The following POLR3G variants were observed in gnomAD, a reference collection of about 807,000 sequenced individuals.
The protein encoded by POLR3G is RNA polymerase III subunit G.
In POLR3G, 28 loss-of-function variants were observed where a neutral mutation model predicts 30.1. That is an observed-to-expected ratio of 0.93 (90% CI 0.69 to 1.27). The LOEUF (loss-of-function observed/expected upper bound fraction) is 1.27, where lower values mean the gene tolerates loss of function less well. Among genes scored for constraint, POLR3G ranks in the 50% most tolerant of loss-of-function variants. The pLI is 0.00. For missense variants in POLR3G, 254 were observed against 264.6 expected (o/e 0.96, Z 0.28); for synonymous variants, 79 against 82.5 (o/e 0.96, Z 0.23).
intron 2 of POLR3G, 83 bp downstream of exon 2, chr5:90,485,767 A>G: frequency 1.1e-6 from 1 of 933,784 alleles, no homozygotes; most frequent in Non-Finnish European, 1.7e-6. Flanking sequence ...GACTGGATGT[A>G]TGATTATAGC....
rs755423888 is a variant in POLR3G at position 90,512,160 on chromosome 5, T to C, written c.*21T>C. 2 of 1,424,958 alleles carry C rather than the reference T, an allele frequency of 1.4e-6. No individual in the cohort carries two copies. Among genetic ancestry groups the C allele is most frequent in the South Asian group, 2.3e-5 (2 of 86,968 alleles). The allele number at this position is 1,424,958 out of a possible 1,614,324, so 88.3% of individuals were successfully genotyped here. On this transcript the variant is annotated 3_prime_UTR_variant, in exon 8 of 8. Coordinates refer to ENST00000651687, the MANE Select transcript of POLR3G (RefSeq NM_006467.3). ...ATTAGGCATGAAATTTTTCAAAAAATATTTTTATGATGCAGCTTCTGAACA... is the reference window on the plus strand; with the variant it reads ...ATTAGGCATGAAATTTTTCAAAAAACATTTTTATGATGCAGCTTCTGAACA...
At chr5:90,510,067 A>C (rs539591052) in intron 7 of POLR3G, among the ~76,000 whole-genome samples, 1 of 152,232 alleles carries the variant, frequency 6.6e-6, no homozygotes, top group African/African-American at 2.4e-5. Context: ...CCATGGGGGT[A>C]GTAGGGTGGT....
At chr5:90,489,079 CCT>C (rs1381540022) in intron 3 of POLR3G, among the ~76,000 whole-genome samples, 6 of 152,014 alleles carry the variant, frequency 3.9e-5, no homozygotes, top group Non-Finnish European at 8.8e-5. Context: ...TTCCATTTTT[CCT>C]CTCTCTCTAG....
chr5:90,493,473 C>T (rs1435890486), intron 3 of POLR3G, among the ~76,000 whole-genome samples: 3 of 151,906 alleles, frequency 2.0e-5, no homozygotes, highest in Non-Finnish European at 2.9e-5. Context: ...GTCTCGAACT[C>T]CTGGACTCAA....
intron 1 of POLR3G, among the ~76,000 whole-genome samples, chr5:90,483,328 T>G (rs1454005857): frequency 6.6e-6 from 1 of 152,202 alleles, no homozygotes; most frequent in African/African-American, 2.4e-5. Flanking sequence ...CTTGGGCAGT[T>G]ACAAAATCAT....
intron 1 of POLR3G, among the ~76,000 whole-genome samples, chr5:90,475,455 A>C (rs1750750886): frequency 6.8e-6 from 1 of 147,614 alleles, no homozygotes. Flanking sequence ...AAAAAATAAA[A>C]TTCTATATCC....
chr5:90,501,730 T>G (rs58073987), intron 5 of POLR3G, among the ~76,000 whole-genome samples, 176 bp from the exon 6 acceptor site: 1 of 152,198 alleles, frequency 6.6e-6, no homozygotes, highest in Non-Finnish European at 1.5e-5. Flanking sequence ...TTCATCATCA[T>G]TGGAAAATTG....
At chr5:90,474,005 G>A, upstream of POLR3G, 1 of 1,598,348 alleles carries the variant, frequency 6.3e-7, no homozygotes, top group Non-Finnish European at 8.5e-7. Flanking sequence ...CTGCCACGCG[G>A]TCGAACTGGT....
intron 1 of POLR3G, among the ~76,000 whole-genome samples, chr5:90,479,657 G>A (rs902692717): frequency 3.3e-5 from 5 of 152,018 alleles, no homozygotes; most frequent in Non-Finnish European, 2.9e-5. Flanking sequence ...GAGCAATGTG[G>A]GATGAAGTGG....
At chr5:90,474,017 G>A (rs9293544), upstream of POLR3G, 14,412 of 1,595,326 alleles carry the variant, frequency 9.0e-3, 1,116 homozygotes, top group African/African-American at 0.17. Context: ...CGAACTGGTA[G>A]AGGCCGCCGG....
chr5:90,498,155 ATG>A (rs560312338), intron 5 of POLR3G, among the ~76,000 whole-genome samples: 4 of 151,142 alleles, frequency 2.6e-5, no homozygotes, highest in Admixed American at 6.6e-5. Context: ...CCCCCCATGT[ATG>A]TGTGTGTGTG....
chr5:90,510,611 T>C (rs1752694036), intron 7 of POLR3G, among the ~76,000 whole-genome samples: 1 of 152,232 alleles, frequency 6.6e-6, no homozygotes, highest in South Asian at 2.1e-4. Flanking sequence ...ATTTGAACTC[T>C]CAACCATGCC....
At chr5:90,478,681 C>G (rs1486285565) in intron 1 of POLR3G, among the ~76,000 whole-genome samples, 1 of 149,544 alleles carries the variant, frequency 6.7e-6, no homozygotes, top group South Asian at 2.1e-4. Flanking sequence ...CTCAGCCTCC[C>G]GAGTAGCTGG....
chr5:90,514,204 C>T lies in POLR3G; in HGVS notation c.*2065C>T, dbSNP rs1267736954. On this transcript the variant is annotated 3_prime_UTR_variant, in exon 8 of 8. Coordinates refer to ENST00000651687, the MANE Select transcript of POLR3G (RefSeq NM_006467.3). Reference sequence around the variant, plus strand: ...TGCAGGTTGCTTTACCAGCATGAGTCTCATTTTTCTGGCTTAAAATCTGGG... The same window carrying T: ...TGCAGGTTGCTTTACCAGCATGAGTTTCATTTTTCTGGCTTAAAATCTGGG... 6.6e-6 allele frequency: 1 copy of T among 152,144 alleles called. No homozygotes were observed. Among genetic ancestry groups the T allele is most frequent in the African/African-American group, 2.4e-5 (1 of 41,442 alleles). 9.4% of individuals were successfully genotyped at this position (152,144 alleles called of 1,614,324 possible).
chr5:90,473,954 G>A, upstream of POLR3G: 4 of 1,601,846 alleles, frequency 2.5e-6, no homozygotes, highest in East Asian at 6.8e-5. Context: ...CGGTCTCAAA[G>A]TTGTCCCCGC....
At chr5:90,506,740 A>G (rs1752503964) in intron 7 of POLR3G, 66 bp downstream of exon 7, 1 of 1,485,474 alleles carries the variant, frequency 6.7e-7, no homozygotes, top group African/African-American at 1.4e-5. Context: ...TCAGATATAG[A>G]GTATGTATTG....
At chr5:90,482,484 T>C (rs1486750095) in intron 1 of POLR3G, among the ~76,000 whole-genome samples, 1 of 152,236 alleles carries the variant, frequency 6.6e-6, no homozygotes, top group African/African-American at 2.4e-5. Flanking sequence ...ACAAAGACGA[T>C]AACAGACTTT....
intron 2 of POLR3G, among the ~76,000 whole-genome samples, chr5:90,487,371 TACA>T (rs1751493084): frequency 7.2e-6 from 1 of 139,406 alleles, no homozygotes; most frequent in African/African-American, 2.7e-5. Context: ...TTTTTTTTGG[TACA>T]TTAATTTTTT....
chr5:90,499,989 T>G (rs1217549196), intron 5 of POLR3G, among the ~76,000 whole-genome samples: 1 of 152,190 alleles, frequency 6.6e-6, no homozygotes, highest in Non-Finnish European at 1.5e-5. Context: ...GTAGTTGACT[T>G]TAAAGCTGAG....
Sources: allele counts gnomAD v4.1 joint callset (sites outside exome capture counted in the v4.1 genomes callset), GRCh38; gene constraint gnomAD v4.1.1; transcripts MANE v1.5; gene names NCBI Gene and HGNC (gene_info 2026-07-23, HGNC 2026-07-21).